Variants in KDM4C observed in about 807,000 individuals in gnomAD.
KDM4C encodes the protein lysine demethylase 4C.
A neutral mutation model predicts 129.3 loss-of-function variants in KDM4C; 81 were observed. The observed-to-expected ratio is 0.63, with a 90% CI of 0.52 to 0.75. The LOEUF (loss-of-function observed/expected upper bound fraction) is 0.75. KDM4C is among the 30% of genes least tolerant of loss of function. The pLI is 0.00. For synonymous variants in KDM4C, 573 were observed against 456.1 expected, an observed-to-expected ratio of 1.26 and a Z score of -3.26; for missense variants, 1,457 against 1,304.0, an observed-to-expected ratio of 1.12 and a Z score of -1.81.
chr9:7,099,466 TA>T (rs1836829647), intron 17 of KDM4C, among the ~76,000 whole-genome samples: 1 of 152,198 alleles, frequency 6.6e-6, no homozygotes, highest in South Asian at 2.1e-4. Flanking sequence ...CCCAAGAAAG[TA>T]CAGTGCTCTA....
chr9:6,915,416 T>C (rs1820123021), intron 8 of KDM4C, among the ~76,000 whole-genome samples: 1 of 152,226 alleles, frequency 6.6e-6, no homozygotes. Context: ...TCACTACTAC[T>C]GTGATGAACA....
intron 17 of KDM4C, among the ~76,000 whole-genome samples, chr9:7,057,960 C>G (rs1342790967): frequency 6.6e-6 from 1 of 152,192 alleles, no homozygotes; most frequent in Non-Finnish European, 1.5e-5. Context: ...CTAAAAATGC[C>G]ATTTCCTTGC....
intron 4 of KDM4C, among the ~76,000 whole-genome samples, chr9:6,845,223 T>A (rs1326405401): frequency 1.3e-5 from 2 of 152,162 alleles, no homozygotes; most frequent in Non-Finnish European, 2.9e-5. Flanking sequence ...ATTGATTGAT[T>A]GACTGATTGA....
chr9:7,172,325 C>T (rs373157431), intron 21 of KDM4C, among the ~76,000 whole-genome samples: 6 of 152,114 alleles, frequency 3.9e-5, no homozygotes, highest in Non-Finnish European at 7.4e-5. Flanking sequence ...GAAGCAGCCC[C>T]GTTACCTTTT....
intron 6 of KDM4C, among the ~76,000 whole-genome samples, chr9:6,880,716 G>T (rs1844313106): frequency 1.3e-5 from 2 of 152,142 alleles, no homozygotes. Context: ...AACTTTTCTG[G>T]ACCTCTATTG....
chr9:6,766,145 T>C (rs1474540444), intron 1 of KDM4C, among the ~76,000 whole-genome samples: 1 of 152,222 alleles, frequency 6.6e-6, no homozygotes, highest in Non-Finnish European at 1.5e-5. Flanking sequence ...ATTCCTTATC[T>C]GAAATACATG....
rs554067446 is a variant in KDM4C, at chr9:6,894,352, G to C, written c.921+1120G>C. On this transcript the variant is annotated intron_variant, in intron 8 of 21. Coordinates refer to ENST00000381309, the MANE Select transcript of KDM4C (RefSeq NM_015061.6). ...TGTTTATGCTGAGTAATTCAGAAAG[G>C]AACAGAACTGTACTACTACTTCACA... Among the ~76,000 whole-genome samples, 4 of 152,316 alleles carry C rather than the reference G, an allele frequency of 2.6e-5. No individual in the cohort carries two copies. In the East Asian group the frequency reaches 5.8e-4, roughly 22 times the overall value.
At chr9:7,114,583 C>A (rs935562407) in intron 18 of KDM4C, among the ~76,000 whole-genome samples, 1 of 152,046 alleles carries the variant, frequency 6.6e-6, no homozygotes, top group Non-Finnish European at 1.5e-5. Context: ...TTATTCTGTC[C>A]TTATAAAACT....
chr9:7,093,904 C>G (rs867866733), intron 17 of KDM4C, among the ~76,000 whole-genome samples: 2 of 152,184 alleles, frequency 1.3e-5, no homozygotes, highest in South Asian at 2.1e-4. Flanking sequence ...AGAGGCACGA[C>G]TGTCTTTAGA....
At chr9:6,744,691 A>C (rs60437839) in intron 1 of KDM4C, among the ~76,000 whole-genome samples, 3 of 152,114 alleles carry the variant, frequency 2.0e-5, no homozygotes, top group African/African-American at 7.2e-5. Context: ...TGCCACCCTC[A>C]GCCAACAGCT....
chr9:6,755,496 C>T (rs1390043966), upstream of KDM4C, among the ~76,000 whole-genome samples: 1 of 145,870 alleles, frequency 6.9e-6, no homozygotes, highest in Non-Finnish European at 1.5e-5. Context: ...TGCAGTGAGC[C>T]GATATGGCGC....
At chr9:7,107,487 T>G (rs781742896) in intron 18 of KDM4C, among the ~76,000 whole-genome samples, 19 of 152,246 alleles carry the variant, frequency 1.2e-4, no homozygotes, top group Non-Finnish European at 1.6e-4. Flanking sequence ...CAATGTTTTT[T>G]CCTGGCAAGT....
chr9:7,175,249 G>A lies in KDM4C; in HGVS notation c.*520G>A, dbSNP rs1467864259. On this transcript the variant is annotated 3_prime_UTR_variant, in exon 22 of 22. Transcript: ENST00000381309. ...AAACACAAATGGCATGTATGCTAATGAGATTTACCCGTGTGCTATCTGTAT... is the reference window on the plus strand; with the variant it reads ...AAACACAAATGGCATGTATGCTAATAAGATTTACCCGTGTGCTATCTGTAT... 1 of 153,362 alleles carries A rather than the reference G, an allele frequency of 6.5e-6. No homozygotes were observed. The highest frequency in any genetic ancestry group is 2.4e-5 in the African/African-American group (1 of 41,474). 9.5% of individuals were successfully genotyped at this position (153,362 alleles called of 1,614,324 possible).
intron 20 of KDM4C, among the ~76,000 whole-genome samples, chr9:7,169,266 T>C (rs1564204276): frequency 6.6e-6 from 1 of 152,180 alleles, no homozygotes; most frequent in Non-Finnish European, 1.5e-5. Flanking sequence ...AGTTTTCATA[T>C]CCTGTATTCC....
chr9:6,862,017 C>T (rs544710803), intron 5 of KDM4C, among the ~76,000 whole-genome samples: 1 of 152,252 alleles, frequency 6.6e-6, no homozygotes, highest in Admixed American at 6.5e-5. Context: ...GGTGATTCAC[C>T]TGCTTTGGCC....
At chr9:7,045,279 C>A (rs1829231076) in intron 15 of KDM4C, among the ~76,000 whole-genome samples, 1 of 152,020 alleles carries the variant, frequency 6.6e-6, no homozygotes, top group African/African-American at 2.4e-5. Flanking sequence ...TTTCATTAAT[C>A]AGACATCTAA....
chr9:6,927,779 C>G (rs1251948226), intron 8 of KDM4C, among the ~76,000 whole-genome samples: 1 of 152,184 alleles, frequency 6.6e-6, no homozygotes, highest in Non-Finnish European at 1.5e-5. Flanking sequence ...AGTTCTTAGA[C>G]TTTTAGCATT....
chr9:6,734,071 A>T (rs149317899), intron 1 of KDM4C, among the ~76,000 whole-genome samples: 318 of 152,242 alleles, frequency 2.1e-3, no homozygotes, highest in Non-Finnish European at 3.7e-3. Context: ...ACCGTCTGAG[A>T]ATGCAGCCCA....
At chr9:7,149,108 C>T (rs1384466393) in intron 19 of KDM4C, among the ~76,000 whole-genome samples, 2 of 152,220 alleles carry the variant, frequency 1.3e-5, no homozygotes, top group Non-Finnish European at 1.5e-5. Flanking sequence ...CTTGCATGCC[C>T]ATGCCGAGCC....
Sources: gnomAD v4.1 joint callset for allele counts (sites outside exome capture counted in the v4.1 genomes callset) on GRCh38, gnomAD v4.1.1 for gene constraint, MANE v1.5 for transcripts, NCBI Gene and HGNC (gene_info 2026-07-23, HGNC 2026-07-21) for gene names.